Variants in UNC5C observed in about 807,000 individuals in gnomAD.
UNC5C encodes netrin receptor UNC5C.
Under a neutral mutation model 99.8 loss-of-function variants are expected in UNC5C, and 47 were observed. The observed-to-expected ratio is 0.47, with a 90% CI of 0.37 to 0.60. UNC5C has a LOEUF of 0.60. Among genes scored for constraint, UNC5C ranks in the 20% least tolerant of loss-of-function variants. The pLI is 0.00. For synonymous variants in UNC5C, 487 were observed against 452.2 expected (o/e 1.08, Z -0.98); for missense variants, 1,062 against 1,165.9 (o/e 0.91, Z 1.30).
At chr4:95,372,185 G>GA (rs1744768152) in intron 1 of UNC5C, among the ~76,000 whole-genome samples, 1 of 152,108 alleles carries the variant, frequency 6.6e-6, no homozygotes, top group Admixed American at 6.6e-5. Flanking sequence ...TTCTCCAGTG[G>GA]AGCATCCTGA....
At chr4:95,456,577 T>C (rs1307845498) in intron 1 of UNC5C, among the ~76,000 whole-genome samples, 1 of 152,082 alleles carries the variant, frequency 6.6e-6, no homozygotes, top group African/African-American at 2.4e-5. Context: ...ATAACAGATA[T>C]TGTTTAATTT....
intron 1 of UNC5C, among the ~76,000 whole-genome samples, chr4:95,424,633 T>G (rs1393056504): frequency 1.3e-5 from 2 of 149,252 alleles, no homozygotes; most frequent in Non-Finnish European, 3.0e-5. Context: ...GCCATTCTCC[T>G]GCCTCAGCCT....
At chr4:95,410,093 C>T (rs1745935717) in intron 1 of UNC5C, among the ~76,000 whole-genome samples, 1 of 152,126 alleles carries the variant, frequency 6.6e-6, no homozygotes, top group Admixed American at 6.6e-5. Context: ...TTTAGCATGC[C>T]ATGTTAGTAC....
At position 95,379,088 on chromosome 4, in the gene UNC5C, G is replaced by A. The variant is rs1396243073; in HGVS notation, c.125-43457C>T. On this transcript the variant is annotated intron_variant, in intron 1 of 15. Coordinates refer to ENST00000453304, the MANE Select transcript of UNC5C (RefSeq NM_003728.4). Reference sequence around the variant, plus strand: ...CATAATTTAAAAACTATTGGTGCAGGGGAGGAAGGATAACTGGGGCGAGGA... The same window carrying A: ...CATAATTTAAAAACTATTGGTGCAGAGGAGGAAGGATAACTGGGGCGAGGA... Among the ~76,000 whole-genome samples, 8 of 152,058 alleles carry A rather than the reference G, an allele frequency of 5.3e-5. No individual in the cohort carries two copies. The South Asian group carries it at 8.3e-4, about 16-fold the overall frequency.
At chr4:95,486,427 CTCT>C (rs1435396161) in intron 1 of UNC5C, among the ~76,000 whole-genome samples, 2 of 151,642 alleles carry the variant, frequency 1.3e-5, no homozygotes, top group Non-Finnish European at 2.9e-5. Flanking sequence ...ACTCTGGCAT[CTCT>C]TCTTGACATT....
At chr4:95,497,586 T>C (rs1721664034) in intron 1 of UNC5C, among the ~76,000 whole-genome samples, 1 of 151,984 alleles carries the variant, frequency 6.6e-6, no homozygotes, top group South Asian at 2.1e-4. Context: ...GGTCTCTCAG[T>C]GGTGTAAACA....
intron 1 of UNC5C, among the ~76,000 whole-genome samples, chr4:95,511,950 T>C (rs1006581058): frequency 1.3e-5 from 2 of 152,092 alleles, no homozygotes; most frequent in African/African-American, 2.4e-5. Context: ...GATCATCTTG[T>C]TTTGGCAGAA....
At chr4:95,389,425 A>G (rs1323055840) in intron 1 of UNC5C, among the ~76,000 whole-genome samples, 2 of 152,188 alleles carry the variant, frequency 1.3e-5, no homozygotes, top group African/African-American at 4.8e-5. Context: ...TGAACTTTTT[A>G]TCTCTCTTCT....
At chr4:95,535,054 A>G (rs1475129084) in intron 1 of UNC5C, among the ~76,000 whole-genome samples, 3 of 152,162 alleles carry the variant, frequency 2.0e-5, no homozygotes, top group Non-Finnish European at 4.4e-5. Context: ...CAGTGGAGAA[A>G]AGCACAAACT....
intron 12 of UNC5C, among the ~76,000 whole-genome samples, chr4:95,202,237 A>G (rs755152956): frequency 7.2e-5 from 11 of 152,140 alleles, no homozygotes; most frequent in Non-Finnish European, 1.0e-4. Flanking sequence ...GGATAAAATG[A>G]ATGGCAATAA....
chr4:95,170,396 C>A, intron 14 of UNC5C, 64 bp from the exon 15 acceptor site: 1 of 1,550,858 alleles, frequency 6.4e-7, no homozygotes. Flanking sequence ...CTCTATTGAA[C>A]CAATCAACAT....
At chr4:95,515,500 G>A (rs1321301618) in intron 1 of UNC5C, among the ~76,000 whole-genome samples, 1 of 152,130 alleles carries the variant, frequency 6.6e-6, no homozygotes, top group Non-Finnish European at 1.5e-5. Flanking sequence ...TCTGCTTAAC[G>A]TATTAGGTTT....
chr4:95,474,637 T>C (rs564557810), intron 1 of UNC5C, among the ~76,000 whole-genome samples: 20 of 152,204 alleles, frequency 1.3e-4, no homozygotes, highest in African/African-American at 4.6e-4. Context: ...TAAAAACTAA[T>C]ACCTTTGGGA....
At chr4:95,214,266 CAT>C (rs1424673489) in intron 10 of UNC5C, among the ~76,000 whole-genome samples, 1 of 152,192 alleles carries the variant, frequency 6.6e-6, no homozygotes, top group East Asian at 1.9e-4. Context: ...TTTCTTGGTT[CAT>C]GGTCTGTAGT....
At chr4:95,222,344 A>G in intron 7 of UNC5C, 1 of 869,522 alleles carries the variant, frequency 1.2e-6, no homozygotes, top group East Asian at 3.0e-5. Context: ...AAGCATGAAA[A>G]ATGGTTTAAT....
intron 1 of UNC5C, among the ~76,000 whole-genome samples, chr4:95,546,377 G>C (rs1038771823): frequency 6.6e-6 from 1 of 152,190 alleles, no homozygotes; most frequent in Admixed American, 6.5e-5. Flanking sequence ...AACAGGCTGG[G>C]TTACTGTACT....
At chr4:95,518,012 A>G (rs1003968604) in intron 1 of UNC5C, among the ~76,000 whole-genome samples, 4 of 152,194 alleles carry the variant, frequency 2.6e-5, no homozygotes, top group African/African-American at 9.7e-5. Context: ...CATTAACTCT[A>G]ATCATGGATC....
At chr4:95,208,009 T>C (rs530034176) in intron 10 of UNC5C, among the ~76,000 whole-genome samples, 1 of 152,326 alleles carries the variant, frequency 6.6e-6, no homozygotes, top group East Asian at 1.9e-4. Context: ...CCTCAATGTT[T>C]CCACCCTCAG....
intron 1 of UNC5C, among the ~76,000 whole-genome samples, chr4:95,491,672 T>C (rs892522863): frequency 4.0e-5 from 6 of 151,704 alleles, no homozygotes; most frequent in African/African-American, 1.2e-4. Flanking sequence ...ACAATGTATT[T>C]GAAAATTATG....
Sources: gnomAD v4.1 joint callset for allele counts (sites outside exome capture counted in the v4.1 genomes callset) on GRCh38, gnomAD v4.1.1 for gene constraint, MANE v1.5 for transcripts, NCBI Gene and HGNC (gene_info 2026-07-23, HGNC 2026-07-21) for gene names.